The following AGMO variants were observed in gnomAD, a reference collection of about 807,000 sequenced individuals.
The protein encoded by AGMO is alkylglycerol monooxygenase.
In AGMO, 75 loss-of-function variants were observed where a neutral mutation model predicts 60.2. The ratio of observed to expected loss-of-function variants is 1.25; its 90% CI spans 1.03 to 1.51. The LOEUF (loss-of-function observed/expected upper bound fraction) is 1.51. Among genes scored for constraint, AGMO ranks in the 40% most tolerant of loss-of-function variants. The pLI is 0.00. For missense variants in AGMO, 763 were observed against 525.5 expected (o/e 1.45, Z -4.42); for synonymous variants, 261 against 177.1 (o/e 1.47, Z -3.76).
At chr7:15,531,317 CATATATTCTAT>C (rs1199323283) in intron 3 of AGMO, among the ~76,000 whole-genome samples, 32,576 of 52,338 alleles carry the variant, frequency 0.62, 10,112 homozygotes, top group East Asian at 0.89. Flanking sequence ...ATATTCTATA[CATATATTCTAT>C]ATATATTCTA....
the AGMO span, among the ~76,000 whole-genome samples, chr7:15,150,013 C>T: frequency 6.6e-6 from 1 of 151,764 alleles, no homozygotes; most frequent in Non-Finnish European, 1.5e-5. Context: ...AGATCTTTCA[C>T]CTTCCTGGTT....
At chr7:15,150,694 T>C in the AGMO span, among the ~76,000 whole-genome samples, 1 of 152,142 alleles carries the variant, frequency 6.6e-6, no homozygotes, top group African/African-American at 2.4e-5. Context: ...TACAGCTGGA[T>C]TTGATTGGCT....
At chr7:15,556,298 T>C (rs1236276990) in intron 2 of AGMO, among the ~76,000 whole-genome samples, 1 of 145,954 alleles carries the variant, frequency 6.9e-6, no homozygotes, top group Non-Finnish European at 1.5e-5. Flanking sequence ...GCATGGCCAG[T>C]AAAAGTATGC....
chr7:15,466,295 G>A (rs1467941417), intron 3 of AGMO, among the ~76,000 whole-genome samples: 1 of 152,072 alleles, frequency 6.6e-6, no homozygotes, highest in African/African-American at 2.4e-5. Flanking sequence ...GTAATTAGTG[G>A]GGCCAGGATT....
At chr7:15,333,709 G>A (rs554461624) in intron 12 of AGMO, among the ~76,000 whole-genome samples, 90 of 151,776 alleles carry the variant, frequency 5.9e-4, no homozygotes, top group African/African-American at 1.9e-3. Flanking sequence ...AATATTTAAA[G>A]TGCTTGGAAA....
At chr7:15,184,507 AAG>A in the AGMO span, among the ~76,000 whole-genome samples, 1 of 131,804 alleles carries the variant, frequency 7.6e-6, no homozygotes, top group Non-Finnish European at 1.6e-5. Flanking sequence ...GAAGGAATAG[AAG>A]GAAGGAAGGG....
chr7:15,486,282 G>A (rs1197360773), intron 3 of AGMO, among the ~76,000 whole-genome samples: 2 of 152,104 alleles, frequency 1.3e-5, no homozygotes, highest in African/African-American at 4.8e-5. Context: ...GGGTACCATT[G>A]TGATTTAGGA....
At chr7:15,451,928 G>C (rs1328081890) in intron 3 of AGMO, among the ~76,000 whole-genome samples, 1 of 152,152 alleles carries the variant, frequency 6.6e-6, no homozygotes, top group Non-Finnish European at 1.5e-5. Flanking sequence ...ACAACACTCA[G>C]CAGTGTATGA....
intron 12 of AGMO, among the ~76,000 whole-genome samples, chr7:15,313,157 C>A (rs1404528546): frequency 6.6e-6 from 1 of 152,128 alleles, no homozygotes; most frequent in African/African-American, 2.4e-5. Flanking sequence ...TTTAAGTACA[C>A]AAAGAAAACT....
intron 3 of AGMO, among the ~76,000 whole-genome samples, chr7:15,493,534 C>T (rs1429336117): frequency 6.6e-6 from 1 of 151,272 alleles, no homozygotes; most frequent in Non-Finnish European, 1.5e-5. Flanking sequence ...CCACCACACC[C>T]GGCTAATTTT....
At chr7:15,504,306 G>C (rs542258784) in intron 3 of AGMO, among the ~76,000 whole-genome samples, 1 of 152,044 alleles carries the variant, frequency 6.6e-6, no homozygotes, top group South Asian at 2.1e-4. Flanking sequence ...ATAAATGTGA[G>C]GAGGGAAAAA....
intron 5 of AGMO, among the ~76,000 whole-genome samples, chr7:15,396,997 C>T (rs1784415666): frequency 6.6e-6 from 1 of 152,166 alleles, no homozygotes; most frequent in Non-Finnish European, 1.5e-5. Flanking sequence ...ACATAGAGTG[C>T]TGATTGGTGC....
At chr7:15,325,034 C>T (rs920940518) in intron 12 of AGMO, among the ~76,000 whole-genome samples, 1 of 151,936 alleles carries the variant, frequency 6.6e-6, no homozygotes, top group Non-Finnish European at 1.5e-5. Flanking sequence ...ATTCAAATAC[C>T]TAACATTTTT....
chr7:15,120,153 A>G, the AGMO span, among the ~76,000 whole-genome samples: 1 of 151,790 alleles, frequency 6.6e-6, no homozygotes, highest in East Asian at 1.9e-4. Flanking sequence ...AAAAAGCTCA[A>G]TTTTTTTTAG....
At chr7:15,433,518 A>G (rs1781315641) in intron 3 of AGMO, among the ~76,000 whole-genome samples, 2 of 152,116 alleles carry the variant, frequency 1.3e-5, no homozygotes, top group African/African-American at 4.8e-5. Flanking sequence ...AGTGATTATG[A>G]AAATGCATTT....
chr7:15,494,904 A>G (rs1217528961), intron 3 of AGMO, among the ~76,000 whole-genome samples: 2 of 152,244 alleles, frequency 1.3e-5, no homozygotes, highest in Non-Finnish European at 2.9e-5. Context: ...CAAGTTTTGC[A>G]CAAGCATAGA....
intron 3 of AGMO, among the ~76,000 whole-genome samples, chr7:15,478,683 G>A (rs540231516): frequency 3.9e-5 from 6 of 152,272 alleles, no homozygotes; most frequent in African/African-American, 1.4e-4. Context: ...CATGTCAAGC[G>A]TTGTCATCAC....
chr7:15,205,393 A>C (rs1315579416), intron 12 of AGMO, among the ~76,000 whole-genome samples: 1 of 151,334 alleles, frequency 6.6e-6, no homozygotes, highest in African/African-American at 2.4e-5. Context: ...AGAGAAAAAA[A>C]ATCTCTGAAA....
chr7:15,528,714 T>A (rs914056235), intron 3 of AGMO, among the ~76,000 whole-genome samples: 2 of 152,092 alleles, frequency 1.3e-5, no homozygotes, highest in Non-Finnish European at 2.9e-5. Context: ...AATGGCACGA[T>A]CTCGGCTCAC....
Sources: gnomAD v4.1 joint callset for allele counts (sites outside exome capture counted in the v4.1 genomes callset) on GRCh38, gnomAD v4.1.1 for gene constraint, MANE v1.5 for transcripts, NCBI Gene and HGNC (gene_info 2026-07-23, HGNC 2026-07-21) for gene names.